BPNT1: variants seen among roughly 807,000 people sequenced by gnomAD.
The protein encoded by BPNT1 is 3'(2'),5'-bisphosphate nucleotidase 1.
BPNT1 carries 28 observed loss-of-function variants against 36.9 expected under a neutral mutation model. That is an observed-to-expected ratio of 0.76 (90% confidence interval 0.56 to 1.04). The LOEUF is 1.04. BPNT1 is among the 50% of genes least tolerant of loss of function. BPNT1 has a pLI of 0.00. For missense variants in BPNT1, 313 were observed against 372.9 expected, an observed-to-expected ratio of 0.84 and a Z score of 1.32; for synonymous variants, 119 against 130.9, an observed-to-expected ratio of 0.91 and a Z score of 0.62.
At position 220,088,773 on chromosome 1, in the gene BPNT1, G is replaced by C. The variant is rs186600222; in HGVS notation, c.-9+913C>G. Among the ~76,000 whole-genome samples, 830 of 147,594 alleles carry C rather than the reference G, an allele frequency of 5.6e-3. 12 individuals are homozygous for C. The highest frequency in any genetic ancestry group is 0.02 in the African/African-American group (776 of 39,716). ...CCACTGTACTCCAGCCTGGGGGACA[G>C]AGCTAGAACCTGTCTTAAAAAAAAA... On this transcript the variant is annotated intron_variant, in intron 1 of 8. Transcript: ENST00000322067.
Position 220,057,976 on chromosome 1 carries a change from G to T in BPNT1, c.*868C>A. On this transcript the variant is annotated 3_prime_UTR_variant, in exon 9 of 9. Coordinates refer to ENST00000322067, the MANE Select transcript of BPNT1 (RefSeq NM_006085.6). ...ACAGATCACGATGTCAGGAGATCAA[G>T]ACCATCCTGGCTAACACGGTGAAAC... The T allele has an allele frequency of 1.4e-6, 1 of 735,624 alleles. No individual in the cohort carries two copies. Among genetic ancestry groups the T allele is most frequent in the Non-Finnish European group, 2.0e-6 (1 of 510,276 alleles). 45.6% of individuals were successfully genotyped at this position (735,624 alleles called of 1,614,324 possible). A position where few individuals can be genotyped will look rare whatever the true frequency, so the allele number is the denominator to read the frequency against.
At chr1:220,059,943 G>A in intron 7 of BPNT1, 152 bp from the exon 8 acceptor site, 2 of 556,700 alleles carry the variant, frequency 3.6e-6, no homozygotes, top group Non-Finnish European at 6.3e-6. Flanking sequence ...CTTTTAGCAG[G>A]TTTAAATTAT....
intron 6 of BPNT1, among the ~76,000 whole-genome samples, chr1:220,064,862 C>G (rs1663393343): frequency 6.6e-6 from 1 of 152,068 alleles, no homozygotes; most frequent in Admixed American, 6.6e-5. Context: ...GGCTGGAGTG[C>G]AGTGGTGCGA....
chr1:220,087,452 G>C (rs1655843095), intron 1 of BPNT1, among the ~76,000 whole-genome samples: 1 of 152,112 alleles, frequency 6.6e-6, no homozygotes, highest in Non-Finnish European at 1.5e-5. Context: ...CTACTCAGGA[G>C]GCTGAGGCAG....
chr1:220,079,658 T>C (rs762438757), intron 2 of BPNT1, 69 bp downstream of exon 2: 39 of 1,588,956 alleles, frequency 2.5e-5, no homozygotes, highest in Non-Finnish European at 3.3e-5. Flanking sequence ...GTCCACATTT[T>C]TATATCATTT....
rs372088611 is a variant in BPNT1 at position 220,072,836 on chromosome 1, A to C, written c.333+14T>G. Reference sequence around the variant, plus strand: ...CCAGGTTAATAGAGAGTTGAGTATAAATATGGGTCATACATCTTCTTCTTT... The same window carrying C: ...CCAGGTTAATAGAGAGTTGAGTATACATATGGGTCATACATCTTCTTCTTT... On this transcript the variant is annotated intron_variant, in intron 4 of 8. Transcript: ENST00000322067. 1 of 1,599,698 alleles carries C rather than the reference A, an allele frequency of 6.3e-7. No homozygotes were observed. Among genetic ancestry groups the C allele is most frequent in the African/African-American group, 1.3e-5 (1 of 74,636 alleles).
chr1:220,059,284 C>CAGGCTGG (rs1447096963), intron 8 of BPNT1, among the ~76,000 whole-genome samples: 1 of 116,348 alleles, frequency 8.6e-6, no homozygotes, highest in Non-Finnish European at 1.6e-5. Context: ...GAGTCTTGCC[C>CAGGCTGG]AGGCTGGAGT....
chr1:220,088,320 C>T (rs1352824180), intron 1 of BPNT1, among the ~76,000 whole-genome samples: 1 of 150,762 alleles, frequency 6.6e-6, no homozygotes, highest in Non-Finnish European at 1.5e-5. Flanking sequence ...ATGGTGAAAC[C>T]CCATCTCTAC....
In BPNT1 at chr1:220,058,462, A is replaced by C. The variant is rs930086415; in HGVS notation, c.*382T>G. The C allele has an allele frequency of 1.0e-5, 10 of 976,506 alleles. No homozygotes were observed. Among genetic ancestry groups the C allele is most frequent in the Non-Finnish European group, 1.2e-5 (10 of 819,446 alleles). 60.5% of individuals were successfully genotyped at this position (976,506 alleles called of 1,614,324 possible). A position where few individuals can be genotyped will look rare whatever the true frequency, so the allele number is the denominator to read the frequency against. ...TCTAATTCTACCCAATTAATCTTAA[A>C]ATGTATTATTTTGAGAACCAAGTCT... On this transcript the variant is annotated 3_prime_UTR_variant, in exon 9 of 9. Transcript: ENST00000322067.
At position 220,058,819 on chromosome 1, in the gene BPNT1, G is replaced by A. The variant is rs201182970; in HGVS notation, c.*25C>T. 118 of 1,610,728 alleles carry A rather than the reference G, an allele frequency of 7.3e-5. 1 individual carries two copies. In the East Asian group the frequency reaches 2.5e-3, roughly 34 times the overall value. ...GCTGGGATTACAGGCATGAGCCACC[G>A]CGCCCGGCCAAATGAAACTTTCCTT... On this transcript the variant is annotated 3_prime_UTR_variant, in exon 9 of 9. Transcript: ENST00000322067.
intron 1 of BPNT1, among the ~76,000 whole-genome samples, chr1:220,081,522 G>T (rs1022353683): frequency 8.6e-5 from 13 of 151,574 alleles, no homozygotes; most frequent in Non-Finnish European, 1.9e-4. Context: ...TAGCCTGGGC[G>T]ATAGAGCGAG....
chr1:220,072,787 ATT>A, intron 4 of BPNT1, 61 bp downstream of exon 4: 1 of 1,341,430 alleles, frequency 7.5e-7, no homozygotes, highest in Non-Finnish European at 1.1e-6. Context: ...TGCAAATATT[ATT>A]TCCTTTACTA....
chr1:220,087,288 C>T (rs932851536), intron 1 of BPNT1, among the ~76,000 whole-genome samples: 1 of 151,940 alleles, frequency 6.6e-6, no homozygotes, highest in African/African-American at 2.4e-5. Context: ...AGTTGCTGGG[C>T]GCGGTGGCCT....
At chr1:220,084,136 T>C (rs757119459) in intron 1 of BPNT1, among the ~76,000 whole-genome samples, 2 of 151,872 alleles carry the variant, frequency 1.3e-5, no homozygotes, top group African/African-American at 4.8e-5. Flanking sequence ...ATCGAGACCA[T>C]CCTGGCTAAC....
At chr1:220,069,343 G>A (rs1663833583) in intron 5 of BPNT1, 41 bp downstream of exon 5, 1 of 1,428,352 alleles carries the variant, frequency 7.0e-7, no homozygotes, top group Non-Finnish European at 9.6e-7. Context: ...TCATATCCTT[G>A]TCCCACTACT....
intron 4 of BPNT1, among the ~76,000 whole-genome samples, chr1:220,071,813 G>C (rs1221513014): frequency 6.6e-6 from 1 of 151,908 alleles, no homozygotes; most frequent in African/African-American, 2.4e-5. Flanking sequence ...TCAGCCTCCT[G>C]AGTAACTGGG....
intron 2 of BPNT1, among the ~76,000 whole-genome samples, chr1:220,076,858 T>C (rs1215025310): frequency 1.3e-5 from 2 of 152,140 alleles, no homozygotes; most frequent in African/African-American, 2.4e-5. Context: ...TGAACATGAA[T>C]ACAGCGCTTT....
At chr1:220,087,531 C>T (rs1655855709) in intron 1 of BPNT1, among the ~76,000 whole-genome samples, 1 of 152,104 alleles carries the variant, frequency 6.6e-6, no homozygotes, top group African/African-American at 2.4e-5. Context: ...TGCACTCCAG[C>T]CTGGGTGACA....
intron 2 of BPNT1, among the ~76,000 whole-genome samples, chr1:220,078,410 A>T (rs1319412155): frequency 1.4e-5 from 2 of 142,792 alleles, no homozygotes; most frequent in Admixed American, 7.4e-5. Context: ...ATAAATAATA[A>T]TTTATAATAA....
Sources: allele counts gnomAD v4.1 joint callset (sites outside exome capture counted in the v4.1 genomes callset), GRCh38; gene constraint gnomAD v4.1.1; transcripts MANE v1.5; gene names NCBI Gene and HGNC (gene_info 2026-07-23, HGNC 2026-07-21).